NAV2: variants seen among roughly 807,000 people sequenced by gnomAD.
The protein encoded by NAV2 is helicase, APC down-regulated 1.
Under a neutral mutation model 223.2 loss-of-function variants are expected in NAV2, and 54 were observed. The observed-to-expected ratio is 0.24, with a 90% CI of 0.19 to 0.30. The LOEUF is 0.30. NAV2 is among the 10% of genes least tolerant of loss of function. NAV2 has a pLI of 1.00. For missense variants in NAV2, 2,806 were observed against 3,147.5 expected (o/e 0.89, Z 2.60); for synonymous variants, 1,279 against 1,239.3 (o/e 1.03, Z -0.67).
At chr11:19,488,983 C>G (rs2042536188) in intron 1 of NAV2, among the ~76,000 whole-genome samples, 1 of 152,226 alleles carries the variant, frequency 6.6e-6, no homozygotes, top group African/African-American at 2.4e-5. Context: ...CTTGGACAGA[C>G]AGTGACTCAA....
intron 1 of NAV2, among the ~76,000 whole-genome samples, chr11:19,424,130 G>A (rs991754448): frequency 3.3e-5 from 5 of 152,148 alleles, no homozygotes; most frequent in Admixed American, 6.5e-5. Flanking sequence ...TTAGATATGC[G>A]GAATTTTGAG....
chr11:20,030,483 A>C (rs1197902364), intron 11 of NAV2, among the ~76,000 whole-genome samples: 33 of 152,250 alleles, frequency 2.2e-4, no homozygotes, highest in Admixed American at 2.2e-3. Context: ...TTCATAAATT[A>C]AGATCATTTT....
At chr11:19,852,017 A>G (rs2061173353) in intron 3 of NAV2, among the ~76,000 whole-genome samples, 1 of 152,250 alleles carries the variant, frequency 6.6e-6, no homozygotes, top group Non-Finnish European at 1.5e-5. Flanking sequence ...CAAGGAATGC[A>G]GGTGGCCTCC....
intron 1 of NAV2, among the ~76,000 whole-genome samples, chr11:19,763,158 T>C (rs1810824174): frequency 6.6e-6 from 1 of 152,192 alleles, no homozygotes; most frequent in African/African-American, 2.4e-5. Context: ...GTTGGAGAAA[T>C]GAAGGAATGA....
intron 1 of NAV2, among the ~76,000 whole-genome samples, chr11:19,650,824 A>C (rs551966504): frequency 1.3e-5 from 2 of 152,358 alleles, no homozygotes; most frequent in African/African-American, 2.4e-5. Context: ...AACAAAAAAG[A>C]CTATATACAG....
At chr11:19,370,745 A>G (rs1848440852) in intron 1 of NAV2, among the ~76,000 whole-genome samples, 1 of 152,094 alleles carries the variant, frequency 6.6e-6, no homozygotes, top group Admixed American at 6.6e-5. Context: ...CAGACTCCCC[A>G]CCGTGCACAG....
At chr11:19,622,738 T>A (rs1320516366) in intron 1 of NAV2, among the ~76,000 whole-genome samples, 1 of 152,250 alleles carries the variant, frequency 6.6e-6, no homozygotes, top group East Asian at 1.9e-4. Flanking sequence ...TCTGTGTCTT[T>A]TAATTGGAGC....
intron 1 of NAV2, among the ~76,000 whole-genome samples, chr11:19,770,014 C>T (rs59440035): frequency 6.6e-6 from 1 of 151,774 alleles, no homozygotes; most frequent in Non-Finnish European, 1.5e-5. Flanking sequence ...CCACACCAAC[C>T]CTCACCCCCA....
Position 20,120,174 on chromosome 11 carries a change from A to G in NAV2, c.*1916A>G, listed in dbSNP as rs1437780527. The G allele has an allele frequency of 6.6e-6, 1 of 152,096 alleles. No individual in the cohort carries two copies. Among genetic ancestry groups the G allele is most frequent in the Non-Finnish European group, 1.5e-5 (1 of 68,008 alleles). The allele number at this position is 152,096 out of a possible 1,614,324, so 9.4% of individuals were successfully genotyped here. On this transcript the variant is annotated 3_prime_UTR_variant, in exon 38 of 38. Coordinates refer to ENST00000349880, the MANE Select transcript of NAV2 (RefSeq NM_145117.5). ...TCTTTTTTTAGTTTCTTACCATAAG[A>G]GTTTGACCCGAAACTGCTCACTTCA... is the stretch of plus-strand genomic sequence containing the variant.
intron 11 of NAV2, among the ~76,000 whole-genome samples, chr11:19,994,020 C>T (rs1003041757): frequency 6.6e-6 from 1 of 152,162 alleles, no homozygotes; most frequent in Non-Finnish European, 1.5e-5. Context: ...GCTATAGAGA[C>T]TTTAACCATG....
At chr11:19,811,578 T>C (rs933660154) in intron 1 of NAV2, among the ~76,000 whole-genome samples, 1 of 152,180 alleles carries the variant, frequency 6.6e-6, no homozygotes, top group Non-Finnish European at 1.5e-5. Context: ...GTTACCACAT[T>C]TAGCCTTTTA....
intron 1 of NAV2, among the ~76,000 whole-genome samples, chr11:19,698,136 G>T (rs1472875173): frequency 1.3e-5 from 2 of 152,144 alleles, no homozygotes; most frequent in African/African-American, 2.4e-5. Flanking sequence ...AGAGAACGGG[G>T]TGTAATCGTT....
At chr11:20,075,834 T>G (rs1329532315) in intron 22 of NAV2, among the ~76,000 whole-genome samples, 2 of 143,886 alleles carry the variant, frequency 1.4e-5, no homozygotes, top group Non-Finnish European at 3.0e-5. Flanking sequence ...AGTCATCTCC[T>G]CCTCTCGAAT....
intron 1 of NAV2, among the ~76,000 whole-genome samples, chr11:19,630,345 A>G (rs1174889531): frequency 6.6e-6 from 1 of 152,142 alleles, no homozygotes; most frequent in Non-Finnish European, 1.5e-5. Flanking sequence ...GTTTTCTGAC[A>G]CTGAGAAGGT....
At chr11:19,821,072 C>A (rs1191477487) in intron 1 of NAV2, among the ~76,000 whole-genome samples, 1 of 152,122 alleles carries the variant, frequency 6.6e-6, no homozygotes, top group Non-Finnish European at 1.5e-5. Flanking sequence ...ACCATCCTGG[C>A]TAACACGGTG....
rs534662571 is a variant in NAV2 at position 19,467,080 on chromosome 11, A to AT, written c.75+116054dup. On this transcript the variant is annotated intron_variant, in intron 1 of 37. Transcript: ENST00000360655. ...AGAGAGAGATGGATATCTATCTGTA[A>AT]TCCAAATTGGGATCACATTACATGT... 1.2e-3 allele frequency among the ~76,000 whole-genome samples: 177 copies of AT among 151,526 alleles called. 1 individual carries two copies. Among genetic ancestry groups the AT allele is most frequent in the African/African-American group, 4.1e-3 (168 of 40,948 alleles).
At chr11:19,361,104 A>G (rs529238533) in intron 1 of NAV2, among the ~76,000 whole-genome samples, 24 of 152,088 alleles carry the variant, frequency 1.6e-4, no homozygotes, top group Middle Eastern at 3.4e-3. Context: ...CTTAGATACT[A>G]TAAAATGAGG....
At chr11:19,527,029 C>A (rs979792729) in intron 1 of NAV2, among the ~76,000 whole-genome samples, 8 of 152,080 alleles carry the variant, frequency 5.3e-5, no homozygotes, top group African/African-American at 1.9e-4. Flanking sequence ...GCATCTTTCT[C>A]CAACCCTCCC....
At chr11:20,023,297 C>T (rs796107342) in intron 11 of NAV2, among the ~76,000 whole-genome samples, 45 of 30,090 alleles carry the variant, frequency 1.5e-3, no homozygotes, top group African/African-American at 5.4e-3. Flanking sequence ...TGGGAGGGGG[C>T]GGGGGGCAAG....
Sources: gnomAD v4.1 joint callset for allele counts (sites outside exome capture counted in the v4.1 genomes callset) on GRCh38, gnomAD v4.1.1 for gene constraint, MANE v1.5 for transcripts, NCBI Gene and HGNC (gene_info 2026-07-23, HGNC 2026-07-21) for gene names.